Variants in PLXNA4 observed in about 807,000 individuals in gnomAD.
PLXNA4 encodes the protein plexin-A4.
In PLXNA4, 44 loss-of-function variants were observed where a neutral mutation model predicts 191.8. The ratio of observed to expected loss-of-function variants is 0.23; its 90% CI spans 0.18 to 0.29. PLXNA4 has a LOEUF of 0.29. Among genes scored for constraint, PLXNA4 ranks in the 10% least tolerant of loss-of-function variants. PLXNA4 has a pLI of 1.00. For missense variants in PLXNA4, 1,800 were observed against 2,488.8 expected (o/e 0.72, Z 5.89); for synonymous variants, 1,082 against 1,009.5 (o/e 1.07, Z -1.36).
rs1185886957 is a variant in PLXNA4 at position 132,168,297 on chromosome 7, C to T, written c.4286+7G>A. The T allele has an allele frequency of 2.0e-6, 3 of 1,532,148 alleles. No individual in the cohort carries two copies. Among genetic ancestry groups the T allele is most frequent in the East Asian group, 4.7e-5 (2 of 42,982 alleles). The allele number at this position is 1,532,148 out of a possible 1,614,324, so 94.9% of individuals were successfully genotyped here. On this transcript the variant is annotated splice_region_variant and intron_variant, in intron 22 of 31. Transcript: ENST00000321063. ...CTGGAGCAGGGTGCCCCAGACTGCA[C>T]CCTCACCTCCTGAGCAGCAGCTTAG...
intron 3 of PLXNA4, among the ~76,000 whole-genome samples, chr7:132,382,612 C>T (rs1804942240): frequency 6.6e-6 from 1 of 152,194 alleles, no homozygotes; most frequent in South Asian, 2.1e-4. Context: ...ATGGCTGCTA[C>T]ATCATCAGCT....
At chr7:132,479,698 G>A (rs1397974615) in intron 3 of PLXNA4, among the ~76,000 whole-genome samples, 2 of 152,178 alleles carry the variant, frequency 1.3e-5, no homozygotes, top group Non-Finnish European at 2.9e-5. Context: ...TGCCCAGGCT[G>A]GGGTGCAATG....
At chr7:132,590,330 G>T (rs1158167242) in intron 2 of PLXNA4, among the ~76,000 whole-genome samples, 3 of 152,190 alleles carry the variant, frequency 2.0e-5, no homozygotes, top group South Asian at 2.1e-4. Context: ...ATTAGTCAGG[G>T]TTCTCCAGCG....
At chr7:132,185,276 G>C (rs755539070) in intron 16 of PLXNA4, 23 bp downstream of exon 16, 46 of 1,598,442 alleles carry the variant, frequency 2.9e-5, no homozygotes, top group Admixed American at 8.5e-5. Context: ...GAAGCATTAA[G>C]GTCCGCTTGG....
chr7:132,163,224 G>C (rs553175840), intron 24 of PLXNA4, among the ~76,000 whole-genome samples: 2 of 152,326 alleles, frequency 1.3e-5, no homozygotes, highest in East Asian at 3.9e-4. Context: ...TGAGCTCCCT[G>C]GGTTTGAAAG....
chr7:132,137,009 G>T (rs923232992), intron 30 of PLXNA4, among the ~76,000 whole-genome samples: 2 of 152,130 alleles, frequency 1.3e-5, no homozygotes, highest in Non-Finnish European at 2.9e-5. Flanking sequence ...CACAGGAGCT[G>T]CAAAGAAAGG....
At chr7:132,296,708 CA>C in intron 4 of PLXNA4, among the ~76,000 whole-genome samples, 1 of 152,180 alleles carries the variant, frequency 6.6e-6, no homozygotes, top group Non-Finnish European at 1.5e-5. Context: ...TTCATGCCAC[CA>C]AGGAAAGCTG....
chr7:132,226,095 G>T (rs1798313616), intron 8 of PLXNA4, 66 bp downstream of exon 8: 1 of 1,455,814 alleles, frequency 6.9e-7, no homozygotes, highest in African/African-American at 1.4e-5. Context: ...TAGTGATGGG[G>T]TTTTCTGATC....
chr7:132,349,249 C>T (rs1803383126), intron 3 of PLXNA4, among the ~76,000 whole-genome samples: 1 of 152,082 alleles, frequency 6.6e-6, no homozygotes. Context: ...AGTTATAAGC[C>T]GTGCTATGTA....
intron 15 of PLXNA4, among the ~76,000 whole-genome samples, chr7:132,186,883 A>C (rs1283347114): frequency 6.6e-6 from 1 of 152,198 alleles, no homozygotes; most frequent in Non-Finnish European, 1.5e-5. Context: ...CAAATTCGCC[A>C]CAAGATCAGA....
At chr7:132,203,515 C>A in intron 10 of PLXNA4, 96 bp from the exon 11 acceptor site, 1 of 1,081,626 alleles carries the variant, frequency 9.2e-7, no homozygotes, top group Non-Finnish European at 1.4e-6. Flanking sequence ...TAAGAGCTCA[C>A]AGGCTAAAGA....
At chr7:132,501,461 A>G (rs757277852) in intron 2 of PLXNA4, among the ~76,000 whole-genome samples, 3 of 151,662 alleles carry the variant, frequency 2.0e-5, no homozygotes, top group Admixed American at 6.6e-5. Context: ...AGCCTGTGTG[A>G]CTCCTGGGTC....
chr7:132,334,856 TC>T (rs1293163758), intron 3 of PLXNA4, among the ~76,000 whole-genome samples: 2 of 152,110 alleles, frequency 1.3e-5, no homozygotes, highest in African/African-American at 4.8e-5. Flanking sequence ...CAAAAGACTC[TC>T]CCCAGGGTCT....
intron 3 of PLXNA4, among the ~76,000 whole-genome samples, chr7:132,437,036 G>A (rs1795497986): frequency 6.6e-6 from 1 of 152,204 alleles, no homozygotes; most frequent in Admixed American, 6.5e-5. Context: ...GCCTTGCTCA[G>A]GGATCATGCC....
intron 3 of PLXNA4, among the ~76,000 whole-genome samples, chr7:132,323,837 C>T (rs1339064625): frequency 6.6e-6 from 1 of 152,114 alleles, no homozygotes; most frequent in Non-Finnish European, 1.5e-5. Flanking sequence ...AGGAAAGATA[C>T]ACCACCCTCT....
At chr7:132,334,283 G>T in intron 3 of PLXNA4, among the ~76,000 whole-genome samples, 1 of 103,312 alleles carries the variant, frequency 9.7e-6, no homozygotes, top group Admixed American at 1.0e-4. Context: ...TTTGAGATAG[G>T]GTCTCACTTT....
At chr7:132,304,489 G>A (rs1801432823) in intron 3 of PLXNA4, among the ~76,000 whole-genome samples, 1 of 152,146 alleles carries the variant, frequency 6.6e-6, no homozygotes, top group South Asian at 2.1e-4. Context: ...ACATTAGCAT[G>A]TCTACAAGTA....
At chr7:132,346,102 C>A (rs1308754839) in intron 3 of PLXNA4, among the ~76,000 whole-genome samples, 2 of 152,220 alleles carry the variant, frequency 1.3e-5, no homozygotes, top group Non-Finnish European at 2.9e-5. Context: ...TTCCCGCAGA[C>A]AGCTGTGGGC....
chr7:132,509,644 C>T (rs1348830405), intron 1 of PLXNA4, among the ~76,000 whole-genome samples: 1 of 152,190 alleles, frequency 6.6e-6, no homozygotes, highest in Non-Finnish European at 1.5e-5. Flanking sequence ...TCACCCCAAC[C>T]TTGCACAGTT....
Sources: gnomAD v4.1 joint callset for allele counts (sites outside exome capture counted in the v4.1 genomes callset) on GRCh38, gnomAD v4.1.1 for gene constraint, MANE v1.5 for transcripts, NCBI Gene and HGNC (gene_info 2026-07-23, HGNC 2026-07-21) for gene names.